CHCHD3: variants seen among roughly 807,000 people sequenced by gnomAD.
The protein encoded by CHCHD3 is coiled-coil-helix-coiled-coil-helix domain containing 3.
In CHCHD3, 20 loss-of-function variants were observed where a neutral mutation model predicts 38.2. The ratio of observed to expected loss-of-function variants is 0.52; its 90% CI spans 0.37 to 0.76. The LOEUF is 0.76. Among genes scored for constraint, CHCHD3 ranks in the 30% least tolerant of loss-of-function variants. The pLI is 0.00. For missense variants in CHCHD3, 245 were observed against 279.2 expected, an observed-to-expected ratio of 0.88 and a Z score of 0.87; for synonymous variants, 82 against 100.0, an observed-to-expected ratio of 0.82 and a Z score of 1.07.
chr7:133,035,559 A>G lies in CHCHD3; in HGVS notation c.170-10932T>C. ...CTCAGTGGCCTGTTTGTTGTGGTGC[A>G]TGATGCCCAAGGTGGGGAACACCCA... On this transcript the variant is annotated intron_variant, in intron 2 of 7. Coordinates refer to ENST00000262570, the MANE Select transcript of CHCHD3 (RefSeq NM_017812.4). This position sits in a 1 kb window ranked among gnomAD's most constrained non-coding sequence, Gnocchi z 4.7. The G allele has an allele frequency of 1.9e-6, 3 of 1,613,554 alleles. No individual in the cohort carries two copies. Among genetic ancestry groups the G allele is most frequent in the Middle Eastern group, 1.7e-4 (1 of 6,056 alleles).
At chr7:132,953,181 CCTTA>C (rs1811072655) in intron 4 of CHCHD3, among the ~76,000 whole-genome samples, 1 of 152,140 alleles carries the variant, frequency 6.6e-6, no homozygotes, top group Non-Finnish European at 1.5e-5. Context: ...CTTTCCGCGG[CCTTA>C]CTAAGTGATT....
chr7:133,024,080 G>A (rs1239091758), intron 3 of CHCHD3, among the ~76,000 whole-genome samples: 2 of 152,142 alleles, frequency 1.3e-5, no homozygotes, highest in South Asian at 2.1e-4. Context: ...CCTTACTTAT[G>A]TCTGTAACAT....
intron 4 of CHCHD3, among the ~76,000 whole-genome samples, chr7:132,916,094 ACTGT>A (rs1199265463): frequency 1.3e-5 from 2 of 151,974 alleles, no homozygotes; most frequent in East Asian, 1.9e-4. Context: ...GTGTCTACTG[ACTGT>A]CTGTTTTTCT....
intron 3 of CHCHD3, among the ~76,000 whole-genome samples, chr7:132,994,022 C>T (rs571527220): frequency 1.3e-5 from 2 of 152,222 alleles, no homozygotes; most frequent in Admixed American, 1.3e-4. Flanking sequence ...AATTTTAGGG[C>T]AGAGTTAATA....
intron 5 of CHCHD3, among the ~76,000 whole-genome samples, chr7:132,882,461 C>CTATATATATATATA (rs71178065): frequency 1.5e-5 from 2 of 135,004 alleles, no homozygotes; most frequent in African/African-American, 5.5e-5. Context: ...ACAATATATT[C>CTATATATATATATA]TATATATATA....
At chr7:132,807,688 G>T (rs1188309586) in intron 6 of CHCHD3, among the ~76,000 whole-genome samples, 1 of 143,756 alleles carries the variant, frequency 7.0e-6, no homozygotes, top group East Asian at 2.0e-4. Context: ...AAAAGGCTGA[G>T]AAATGATTAT....
chr7:132,901,491 A>C (rs1194025180), intron 4 of CHCHD3, among the ~76,000 whole-genome samples: 2 of 152,216 alleles, frequency 1.3e-5, no homozygotes, highest in Non-Finnish European at 2.9e-5. Flanking sequence ...GGAGGGAGGC[A>C]GGGGGTCCTC....
intron 6 of CHCHD3, among the ~76,000 whole-genome samples, chr7:132,816,515 A>G (rs1807203480): frequency 6.6e-6 from 1 of 152,212 alleles, no homozygotes; most frequent in African/African-American, 2.4e-5. Context: ...TTGGCTTCAT[A>G]GTTAATTGCA....
At chr7:132,802,243 G>C (rs1207484383) in intron 6 of CHCHD3, among the ~76,000 whole-genome samples, 1 of 152,104 alleles carries the variant, frequency 6.6e-6, no homozygotes, top group Non-Finnish European at 1.5e-5. Flanking sequence ...AATAACATGT[G>C]GCCACGTGAC....
chr7:132,968,999 T>C (rs1811544168), intron 4 of CHCHD3, among the ~76,000 whole-genome samples: 1 of 152,176 alleles, frequency 6.6e-6, no homozygotes, highest in African/African-American at 2.4e-5. Flanking sequence ...CTGAAAGGCA[T>C]ACAGCACAAA....
intron 2 of CHCHD3, among the ~76,000 whole-genome samples, chr7:133,048,091 AAAC>A (rs759044440): frequency 1.3e-5 from 2 of 152,082 alleles, no homozygotes; most frequent in African/African-American, 2.4e-5. Flanking sequence ...TCTGTCTCAA[AAAC>A]AACAACGACA....
At chr7:133,041,587 A>G (rs541379066) in intron 2 of CHCHD3, among the ~76,000 whole-genome samples, 31 of 152,310 alleles carry the variant, frequency 2.0e-4, no homozygotes, top group Admixed American at 1.5e-3. Flanking sequence ...CTTTCTTCCC[A>G]TGTACCATTC....
At position 132,838,437 on chromosome 7, in the gene CHCHD3, T is replaced by C. The variant is rs765126094; in HGVS notation, c.486A>G (p.Gln162=). ...CCACCTCTTCAGCAGCTTTCTGATA[T>C]TGTTCAGTGGTGACTCTGTAGAACT... ...SSEFYRVTTE[Q]YQKAAEEVEA... is the part of the protein sequence containing the mutation. Residue 162 remains glutamine (Q), a synonymous_variant, in exon 6 of 8, where the codon CAA becomes CAG. Coordinates refer to ENST00000262570, the MANE Select transcript of CHCHD3 (RefSeq NM_017812.4). 1 of 1,613,128 alleles carries C rather than the reference T, an allele frequency of 6.2e-7. No homozygotes were observed. Among genetic ancestry groups the C allele is most frequent in the Non-Finnish European group, 8.5e-7 (1 of 1,179,362 alleles).
At chr7:132,826,118 G>A (rs1364729147) in intron 6 of CHCHD3, among the ~76,000 whole-genome samples, 2 of 152,150 alleles carry the variant, frequency 1.3e-5, no homozygotes, top group African/African-American at 2.4e-5. Context: ...CTAGCCGGTG[G>A]ACTTCAGAGT....
At chr7:132,938,969 T>C (rs1285655040) in intron 4 of CHCHD3, among the ~76,000 whole-genome samples, 1 of 152,210 alleles carries the variant, frequency 6.6e-6, no homozygotes, top group Non-Finnish European at 1.5e-5. Context: ...AAGGAAACAG[T>C]ACCTGCTAAG....
intron 4 of CHCHD3, among the ~76,000 whole-genome samples, chr7:132,918,345 G>A (rs1481986568): frequency 3.3e-5 from 5 of 152,094 alleles, no homozygotes; most frequent in Non-Finnish European, 5.9e-5. Context: ...GCTAACCATC[G>A]GACCCTCCTC....
chr7:132,971,366 G>C (rs1309455822), intron 4 of CHCHD3, among the ~76,000 whole-genome samples: 1 of 152,248 alleles, frequency 6.6e-6, no homozygotes, highest in Non-Finnish European at 1.5e-5. Context: ...ACTCAGTGCT[G>C]AGTAGAGGAA....
At chr7:132,897,745 C>T (rs190555690) in intron 4 of CHCHD3, among the ~76,000 whole-genome samples, 1 of 152,348 alleles carries the variant, frequency 6.6e-6, no homozygotes, top group African/African-American at 2.4e-5. Context: ...ACCATTATTG[C>T]ACACTACACT....
intron 6 of CHCHD3, chr7:132,815,410 C>A: frequency 3.0e-6 from 1 of 332,470 alleles, no homozygotes; most frequent in Admixed American, 4.2e-5. Flanking sequence ...TTATTAATTA[C>A]AAAGGAAATG....
Sources: gnomAD v4.1 joint callset for allele counts (sites outside exome capture counted in the v4.1 genomes callset) on GRCh38, gnomAD v4.1.1 for gene constraint, Gnocchi (gnomAD v3.1) non-coding constraint, MANE v1.5 for transcripts, NCBI Gene and HGNC (gene_info 2026-07-23, HGNC 2026-07-21) for gene names.